Variants in DOCK6 observed in about 807,000 individuals in gnomAD.
The protein encoded by DOCK6 is dedicator of cytokinesis protein 6.
DOCK6 carries 167 observed loss-of-function variants against 230.3 expected under a neutral mutation model. The observed-to-expected ratio is 0.73, with a 90% CI of 0.64 to 0.82. The LOEUF is 0.82. DOCK6 is among the 40% of genes least tolerant of loss of function. The pLI, the probability that DOCK6 is intolerant of heterozygous loss-of-function variation, is 0.00. For missense variants in DOCK6, 2,598 were observed against 2,825.8 expected (o/e 0.92, Z 1.83); for synonymous variants, 1,148 against 1,185.0 (o/e 0.97, Z 0.64).
rs757510122 is a variant in DOCK6 at position 11,217,114 on chromosome 19, T to C, written c.3712-18A>G. The C allele has an allele frequency of 1.9e-6, 3 of 1,603,600 alleles. No individual in the cohort carries two copies. The highest frequency in any genetic ancestry group is 2.6e-6 in the Non-Finnish European group (3 of 1,175,024). The stretch of plus-strand genomic sequence containing the variant: ...CGAGAAGCCTGGGGCCAGAGAGGAA[T>C]CAAAGTCAATTTCCATTTTCTCCAT... On this transcript the variant is annotated intron_variant, in intron 29 of 47. Transcript: ENST00000294618.
Position 11,237,235 on chromosome 19 carries a change from G to A in DOCK6, c.2073+221C>T, listed in dbSNP as rs1009273749. On this transcript the variant is annotated intron_variant, in intron 18 of 47. Transcript: ENST00000294618. ...GGACAGTGATCAGGAAGGCAGTCAG[G>A]GTGGCTAAAGTGGGAATGGAGCAGA... 5 of 613,398 alleles carry A rather than the reference G, an allele frequency of 8.2e-6. No homozygotes were observed. In the East Asian group the frequency reaches 1.4e-4, roughly 17 times the overall value. The allele number at this position is 613,398 out of a possible 1,614,324, so 38.0% of individuals were successfully genotyped here.
chr19:11,256,476 GC>G (rs2080199655), intron 1 of DOCK6, among the ~76,000 whole-genome samples: 1 of 152,104 alleles, frequency 6.6e-6, no homozygotes, highest in Non-Finnish European at 1.5e-5. Flanking sequence ...TGCACGGAGA[GC>G]CGTCAAGCTT....
At position 11,236,819 on chromosome 19, in the gene DOCK6, T is replaced by C; in HGVS notation, c.2134A>G (p.Thr712Ala). The C allele has an allele frequency of 6.4e-7, 1 of 1,554,648 alleles. No individual in the cohort carries two copies. Among genetic ancestry groups the C allele is most frequent in the Non-Finnish European group, 8.7e-7 (1 of 1,149,178 alleles). Residue 712 changes from threonine to alanine, a missense_variant, in exon 19 of 48, where the codon ACA (threonine) becomes GCA (alanine). Transcript: ENST00000294618. This position sits in a 1 kb window ranked among gnomAD's most constrained non-coding sequence, Gnocchi z 5.2. Reference sequence around the variant, plus strand: ...TGGGGGTGCACAGAGGACACGGCTGTGAGCTCCACACTGAACACGCCCTTG... The same window carrying C: ...TGGGGGTGCACAGAGGACACGGCTGCGAGCTCCACACTGAACACGCCCTTG... ...GHKGVFSVEL[T>A]AVSSVHPQDP...
chr19:11,255,474 T>C (rs2147886230), intron 1 of DOCK6, among the ~76,000 whole-genome samples: 1 of 151,886 alleles, frequency 6.6e-6, no homozygotes, highest in South Asian at 2.1e-4. Context: ...CCACCATGCC[T>C]GGTTAATCTT....
chr19:11,236,635 C>A lies in DOCK6; in HGVS notation c.2161-58G>T. 1 of 1,516,682 alleles carries A rather than the reference C, an allele frequency of 6.6e-7. No homozygotes were observed. Among genetic ancestry groups the A allele is most frequent in the East Asian group, 2.5e-5 (1 of 40,442 alleles). 94.0% of individuals were successfully genotyped at this position (1,516,682 alleles called of 1,614,324 possible). A position where few individuals can be genotyped will look rare whatever the true frequency, so the allele number is the denominator to read the frequency against. ...CCTCAGGGAATGAAGACCACCCCTG[C>A]CTGAATCAGCAGCTTCCCTTAAAGC... On this transcript the variant is annotated intron_variant, in intron 19 of 47. Coordinates refer to ENST00000294618, the MANE Select transcript of DOCK6 (RefSeq NM_020812.4). The surrounding 1 kb of genome is among the most constrained non-coding windows in gnomAD (Gnocchi z 5.2).
At position 11,216,967 on chromosome 19, in the gene DOCK6, G is replaced by T. The variant is rs1568228809; in HGVS notation, c.3841C>A (p.Leu1281Met). 1 of 1,613,782 alleles carries T rather than the reference G, an allele frequency of 6.2e-7. No individual in the cohort carries two copies. The highest frequency in any genetic ancestry group is 1.3e-5 in the African/African-American group (1 of 75,052). ...RWATDLTLPQ[L>M]GRLLDLLYLC... is the part of the protein sequence containing the mutation. ...TACAGCAAATCCAACAGACGTCCCA[G>T]CTGGGGGAGTGTCAGGTCAGTGGCC... Residue 1281 changes from leucine (L) to methionine (M), a missense_variant, in exon 30 of 48, where the codon CTG becomes ATG. By Grantham distance (15) the Leu-to-Met change is conservative. Transcript: ENST00000294618.
chr19:11,202,893 G>A lies in DOCK6; in HGVS notation c.5236-184C>T, dbSNP rs1002136537. 2.8e-4 allele frequency among the ~76,000 whole-genome samples: 42 copies of A among 152,074 alleles called. 1 individual carries two copies. Among genetic ancestry groups the A allele is most frequent in the African/African-American group, 9.2e-4 (38 of 41,394 alleles). ...GATTGCAATAGGAAGTTAGGACTGG[G>A]GCTGTATTGTTTACGGGTGTGTCCC... On this transcript the variant is annotated intron_variant, in intron 41 of 47. Transcript: ENST00000294618. This position sits in a 1 kb window ranked among gnomAD's most constrained non-coding sequence, Gnocchi z 5.3.
chr19:11,230,520 A>C (rs964500971), intron 22 of DOCK6, among the ~76,000 whole-genome samples: 10 of 152,102 alleles, frequency 6.6e-5, no homozygotes, highest in African/African-American at 2.4e-4. Flanking sequence ...AGATGAAATC[A>C]GTGTAGACAG....
chr19:11,213,371 G>T (rs199535877), intron 34 of DOCK6, 43 bp from the exon 35 acceptor site: 20 of 1,585,590 alleles, frequency 1.3e-5, no homozygotes, highest in Non-Finnish European at 1.6e-5. Flanking sequence ...GCCCCTCCCC[G>T]TTCTGGCTCA....
chr19:11,219,540 A>G lies in DOCK6; in HGVS notation c.3551-2149T>C, dbSNP rs373072937. 4.8e-4 allele frequency among the ~76,000 whole-genome samples: 73 copies of G among 151,898 alleles called. 1 individual carries two copies. In the East Asian group the frequency reaches 0.01, roughly 22 times the overall value. ...CGTGGTGGCTCACGCCTGTAATCCC[A>G]GCACTTTGTGATGTCGAGGCGGGAG... On this transcript the variant is annotated intron_variant, in intron 28 of 47. Transcript: ENST00000294618.
chr19:11,208,815 G>A lies in DOCK6; in HGVS notation c.4959C>T (p.Asn1653=), dbSNP rs8409. The A allele has an allele frequency of 0.56, 896,027 of 1,612,608 alleles. 252,738 individuals are homozygous for A. Among genetic ancestry groups the A allele is most frequent in the Middle Eastern group, 0.6 (3,650 of 6,058 alleles). ...CGGAGATGGCGGACTCCTCTAGCAC[G>A]TTGGATGAGATGTTCTGGGGTGGGA... is the stretch of plus-strand genomic sequence containing the variant. ...GCVSFQNISS[N]VLEESAISDD... The change falls in exon 39 of 48, where the codon AAC becomes AAT. Residue 1653 remains asparagine, a synonymous_variant. Coordinates refer to ENST00000294618, the MANE Select transcript of DOCK6 (RefSeq NM_020812.4).
chr19:11,233,172 G>T, intron 22 of DOCK6, 31 bp downstream of exon 22: 1 of 1,607,158 alleles, frequency 6.2e-7, no homozygotes. Context: ...AACCACTGAG[G>T]CTGGAGATTC....
Position 11,215,413 on chromosome 19 carries a change from C to T in DOCK6, c.4080G>A (p.Trp1360Ter). 1 of 1,613,634 alleles carries T rather than the reference C, an allele frequency of 6.2e-7. No individual in the cohort carries two copies. Among genetic ancestry groups the T allele is most frequent in the Non-Finnish European group, 8.5e-7 (1 of 1,179,818 alleles). ...TGTCCACGCGGTCTGAGGTTTGCTTCCAGTGTGTGACGCTCTTCCGCCAGC... is the reference window on the plus strand; with the variant it reads ...TGTCCACGCGGTCTGAGGTTTGCTTTCAGTGTGTGACGCTCTTCCGCCAGC... The part of the protein sequence containing the change: ...NVRWRKSVTH[W>*]KQTSDRVDKT... Residue 1360 changes from tryptophan (W) to a stop codon, truncating the protein, a stop_gained, in exon 32 of 48, where the codon TGG (tryptophan) becomes TGA (stop). Coordinates refer to ENST00000294618, the MANE Select transcript of DOCK6 (RefSeq NM_020812.4). LOFTEE classifies it high-confidence loss of function.
rs1315894159 is a variant in DOCK6 at position 11,236,222 on chromosome 19, G to C, written c.2392+124C>G. ...CCTTCTCTGGGTGCAGGGGACTGGA[G>C]GTCATTTTTCAGATGAGAAAAATGG... On this transcript the variant is annotated intron_variant, in intron 20 of 47. Transcript: ENST00000294618. This position sits in a 1 kb window ranked among gnomAD's most constrained non-coding sequence, Gnocchi z 5.2. 1.0e-6 allele frequency: 1 copy of C among 958,392 alleles called. No individual in the cohort carries two copies. Among genetic ancestry groups the C allele is most frequent in the East Asian group, 2.6e-5 (1 of 37,744 alleles). 59.4% of individuals were successfully genotyped at this position (958,392 alleles called of 1,614,324 possible). A position where few individuals can be genotyped will look rare whatever the true frequency, so the allele number is the denominator to read the frequency against.
chr19:11,240,582 CTTTTTTTTTTT>C (rs869249463), intron 14 of DOCK6, among the ~76,000 whole-genome samples: 4 of 136,364 alleles, frequency 2.9e-5, no homozygotes, highest in African/African-American at 1.1e-4. Context: ...TCAATAAATT[CTTTTTTTTTTT>C]TTTTTTGAGA....
intron 1 of DOCK6, chr19:11,253,982 G>C (rs562935045): frequency 2.6e-6 from 1 of 384,160 alleles, no homozygotes; most frequent in Non-Finnish European, 4.6e-6. Context: ...TTCCCCTCCC[G>C]GCTGGGCCTG....
chr19:11,213,690 T>C (rs2079432194), intron 34 of DOCK6, among the ~76,000 whole-genome samples: 1 of 150,966 alleles, frequency 6.6e-6, no homozygotes, highest in Non-Finnish European at 1.5e-5. Context: ...CACAGCTCAC[T>C]GCAGCTTTGA....
chr19:11,206,743 G>C (rs2079267869), intron 39 of DOCK6, among the ~76,000 whole-genome samples: 1 of 151,994 alleles, frequency 6.6e-6, no homozygotes. Context: ...TGGCCACGCG[G>C]GATAAAAGTT....
intron 23 of DOCK6, among the ~76,000 whole-genome samples, chr19:11,227,871 G>C (rs543492661): frequency 2.0e-5 from 3 of 152,192 alleles, no homozygotes; most frequent in African/African-American, 7.2e-5. Flanking sequence ...ACAAAGGGTG[G>C]GGCTTGAGGC....
Sources: gnomAD v4.1 joint callset for allele counts (sites outside exome capture counted in the v4.1 genomes callset) on GRCh38, gnomAD v4.1.1 for gene constraint, Gnocchi (gnomAD v3.1) non-coding constraint, MANE v1.5 for transcripts, NCBI Gene and HGNC (gene_info 2026-07-23, HGNC 2026-07-21) for gene names.